The following LMX1A variants were observed in gnomAD, a reference collection of about 807,000 sequenced individuals.
LMX1A encodes the protein LIM homeobox transcription factor 1-alpha.
Under a neutral mutation model 49.1 loss-of-function variants are expected in LMX1A, and 15 were observed. That is an observed-to-expected ratio of 0.31 (90% confidence interval 0.20 to 0.47). The LOEUF is 0.47. LMX1A is among the 20% of genes least tolerant of loss of function. The pLI is 1.00. For synonymous variants in LMX1A, 167 were observed against 185.7 expected (o/e 0.90, Z 0.82); for missense variants, 372 against 475.8 (o/e 0.78, Z 2.03).
intron 3 of LMX1A, among the ~76,000 whole-genome samples, chr1:165,254,936 T>A (rs542911306): frequency 1.2e-3 from 189 of 152,332 alleles, no homozygotes; most frequent in African/African-American, 3.2e-3. Flanking sequence ...CCTCTTTGCA[T>A]TTAATTCCCT....
intron 5 of LMX1A, among the ~76,000 whole-genome samples, chr1:165,212,648 T>C (rs1651458806): frequency 6.6e-6 from 1 of 152,160 alleles, no homozygotes. Context: ...CTTTTTATCA[T>C]GTAAAAGATA....
At chr1:165,313,012 G>A (rs1410525298) in intron 3 of LMX1A, among the ~76,000 whole-genome samples, 1 of 151,830 alleles carries the variant, frequency 6.6e-6, no homozygotes, top group East Asian at 1.9e-4. Context: ...ATATCAGAGG[G>A]AAAAAAAAGT....
intron 3 of LMX1A, among the ~76,000 whole-genome samples, chr1:165,316,397 T>C (rs1655228715): frequency 6.6e-6 from 1 of 152,182 alleles, no homozygotes; most frequent in Non-Finnish European, 1.5e-5. Flanking sequence ...CAGCTGCCTA[T>C]GGAACCAGCA....
intron 4 of LMX1A, among the ~76,000 whole-genome samples, chr1:165,220,515 C>T (rs1011298128): frequency 6.6e-6 from 1 of 152,216 alleles, no homozygotes; most frequent in African/African-American, 2.4e-5. Context: ...TCCACCTAAC[C>T]GAGGAATAAA....
chr1:165,279,909 G>A (rs796336083), intron 3 of LMX1A, among the ~76,000 whole-genome samples: 1 of 152,008 alleles, frequency 6.6e-6, no homozygotes, highest in Non-Finnish European at 1.5e-5. Context: ...GCAAGTGCTC[G>A]TTTTACTGCC....
intron 3 of LMX1A, among the ~76,000 whole-genome samples, chr1:165,334,001 C>T (rs951042263): frequency 6.6e-6 from 1 of 152,116 alleles, no homozygotes; most frequent in Non-Finnish European, 1.5e-5. Flanking sequence ...TAGTATCTCC[C>T]TTATAGAAGT....
intron 3 of LMX1A, among the ~76,000 whole-genome samples, chr1:165,271,368 A>G (rs59327172): frequency 0.41 from 61,583 of 152,034 alleles, 12,706 homozygotes; most frequent in Admixed American, 0.46. Context: ...TGATGACATT[A>G]TTGAACTGCC....
At chr1:165,314,013 G>C (rs948010062) in intron 3 of LMX1A, among the ~76,000 whole-genome samples, 1 of 152,204 alleles carries the variant, frequency 6.6e-6, no homozygotes, top group Non-Finnish European at 1.5e-5. Flanking sequence ...GGTTATGCTA[G>C]AGATGGCAGG....
intron 3 of LMX1A, among the ~76,000 whole-genome samples, chr1:165,293,789 GC>G (rs777971738): frequency 7.2e-5 from 11 of 152,072 alleles, no homozygotes; most frequent in Non-Finnish European, 1.5e-4. Flanking sequence ...CCTCCCTCAG[GC>G]CCCTTTTATA....
At chr1:165,226,142 A>T (rs923376003) in intron 4 of LMX1A, among the ~76,000 whole-genome samples, 1 of 152,132 alleles carries the variant, frequency 6.6e-6, no homozygotes, top group African/African-American at 2.4e-5. Flanking sequence ...GTTGTGCATC[A>T]TTGGGAAGTA....
intron 3 of LMX1A, among the ~76,000 whole-genome samples, chr1:165,262,776 T>C (rs1378569674): frequency 2.6e-5 from 4 of 152,232 alleles, no homozygotes; most frequent in Non-Finnish European, 5.9e-5. Flanking sequence ...CTTGATTCCA[T>C]TTCCTCTACC....
intron 3 of LMX1A, among the ~76,000 whole-genome samples, chr1:165,345,057 C>T (rs2101766435): frequency 6.6e-6 from 1 of 152,302 alleles, no homozygotes; most frequent in South Asian, 2.1e-4. Context: ...CAATGAATGA[C>T]AACAATGCTA....
At chr1:165,258,599 G>A (rs1387502353) in intron 3 of LMX1A, among the ~76,000 whole-genome samples, 1 of 152,198 alleles carries the variant, frequency 6.6e-6, no homozygotes, top group Non-Finnish European at 1.5e-5. Flanking sequence ...ACAATGGGAT[G>A]AACGAGTGGG....
At chr1:165,325,081 C>G in intron 3 of LMX1A, among the ~76,000 whole-genome samples, 1 of 152,136 alleles carries the variant, frequency 6.6e-6, no homozygotes, top group East Asian at 1.9e-4. Context: ...CTCTAAAACC[C>G]TCCAAAGGCT....
intron 2 of LMX1A, 60 bp from the exon 3 acceptor site, chr1:165,353,322 T>C (rs1045977065): frequency 6.1e-5 from 88 of 1,436,376 alleles, no homozygotes; most frequent in Admixed American, 1.9e-4. Context: ...ATGCCAAACC[T>C]GGCCGGGACC....
In LMX1A at chr1:165,354,149, A is replaced by G. The variant is rs547752183; in HGVS notation, c.77-887T>C. Among the ~76,000 whole-genome samples the G allele has an allele frequency of 1.6e-3, 236 of 152,198 alleles. 8 individuals carry two copies. The South Asian group carries it at 0.048, about 31-fold the overall frequency. ...GGCACTTTTCACAGCTATTTAAAGA[A>G]GGCCTTGTCCCCCAGCAACAACACT... On this transcript the variant is annotated intron_variant, in intron 2 of 8. Transcript: ENST00000342310.
chr1:165,267,073 A>G (rs970534937), intron 3 of LMX1A, among the ~76,000 whole-genome samples: 2 of 152,304 alleles, frequency 1.3e-5, no homozygotes, highest in Non-Finnish European at 2.9e-5. Context: ...TTCACAATGT[A>G]GTACAACTAC....
intron 3 of LMX1A, among the ~76,000 whole-genome samples, chr1:165,341,912 CTGTT>C (rs151184880): frequency 0.012 from 1,775 of 152,280 alleles, 11 homozygotes; most frequent in Non-Finnish European, 0.019. Context: ...TTATAAGAGT[CTGTT>C]TAACTCTAAA....
chr1:165,353,807 A>G (rs971149753), intron 2 of LMX1A, among the ~76,000 whole-genome samples: 1 of 152,210 alleles, frequency 6.6e-6, no homozygotes, highest in African/African-American at 2.4e-5. Flanking sequence ...CAAACCTAAT[A>G]TTATTCAAAC....
Sources: gnomAD v4.1 joint callset for allele counts (sites outside exome capture counted in the v4.1 genomes callset) on GRCh38, gnomAD v4.1.1 for gene constraint, MANE v1.5 for transcripts, NCBI Gene and HGNC (gene_info 2026-07-23, HGNC 2026-07-21) for gene names.